The following SLC45A4 variants were observed in gnomAD, a reference collection of about 807,000 sequenced individuals.
The protein encoded by SLC45A4 is solute carrier family 45 member 4, also known as polyamine-transporter SLC45A4.
In SLC45A4, 32 loss-of-function variants were observed where a neutral mutation model predicts 63.7. The ratio of observed to expected loss-of-function variants is 0.50; its 90% CI spans 0.38 to 0.67. The LOEUF (loss-of-function observed/expected upper bound fraction) is 0.67. Among genes scored for constraint, SLC45A4 ranks in the 30% least tolerant of loss-of-function variants. SLC45A4 has a pLI of 0.00. For synonymous variants in SLC45A4, 535 were observed against 510.0 expected (o/e 1.05, Z -0.66); for missense variants, 1,027 against 1,157.7 (o/e 0.89, Z 1.64).
intron 1 of SLC45A4, among the ~76,000 whole-genome samples, chr8:141,299,539 C>T (rs915232091): frequency 1.3e-5 from 2 of 152,216 alleles, no homozygotes; most frequent in Admixed American, 6.5e-5. Flanking sequence ...GCAGAGCGGC[C>T]GTGGCCGCAG....
chr8:141,265,361 GC>G (rs1829224095), intron 1 of SLC45A4, among the ~76,000 whole-genome samples: 1 of 152,190 alleles, frequency 6.6e-6, no homozygotes, highest in Non-Finnish European at 1.5e-5. Context: ...TGAAAGGAAA[GC>G]AGCTCTGAGA....
intron 1 of SLC45A4, among the ~76,000 whole-genome samples, chr8:141,281,724 A>C (rs1829955105): frequency 6.6e-6 from 1 of 152,256 alleles, no homozygotes; most frequent in Non-Finnish European, 1.5e-5. Context: ...AACATGGTCT[A>C]ATTTTTGTTT....
chr8:141,274,351 T>C (rs1333576699), intron 1 of SLC45A4, among the ~76,000 whole-genome samples: 3 of 151,216 alleles, frequency 2.0e-5, no homozygotes, highest in Non-Finnish European at 2.9e-5. Flanking sequence ...CTGGCCAACA[T>C]GGTAAAACCC....
At chr8:141,235,519 A>G (rs767900486) in intron 2 of SLC45A4, among the ~76,000 whole-genome samples, 3 of 152,226 alleles carry the variant, frequency 2.0e-5, no homozygotes, top group Admixed American at 6.5e-5. Context: ...CGTAAAGCTT[A>G]TAAGAACTGG....
Position 141,212,457 on chromosome 8 carries a change from C to T in SLC45A4, c.2041G>A (p.Ala681Thr), listed in dbSNP as rs1825897610. ...ACGGCGTCGACCACGCCCCCAAGGGCAGAGGCCACCAGGATCTGCGAGATG... is the reference window on the plus strand; with the variant it reads ...ACGGCGTCGACCACGCCCCCAAGGGTAGAGGCCACCAGGATCTGCGAGATG... ...VYISQILVAS[A>T]LGGVVDAVGT... The change falls in exon 8 of 9, where the codon GCC becomes ACC. Residue 681 changes from alanine to threonine, a missense_variant. By Grantham distance (58) the Ala-to-Thr change is moderately conservative (BLOSUM62 0). Transcript: ENST00000517878. 6.2e-7 allele frequency: 1 copy of T among 1,613,868 alleles called. No individual in the cohort carries two copies. The highest frequency in any genetic ancestry group is 8.5e-7 in the Non-Finnish European group (1 of 1,180,026).
At chr8:141,236,830 G>A (rs1341336725) in intron 2 of SLC45A4, among the ~76,000 whole-genome samples, 1 of 152,186 alleles carries the variant, frequency 6.6e-6, no homozygotes, top group Non-Finnish European at 1.5e-5. Context: ...CTTCCTCAGA[G>A]AGCCACTGGG....
chr8:141,283,472 T>C (rs865920473), intron 1 of SLC45A4, among the ~76,000 whole-genome samples: 1 of 152,198 alleles, frequency 6.6e-6, no homozygotes, highest in Non-Finnish European at 1.5e-5. Context: ...GGAGAACCAA[T>C]GAAGGCTTCT....
intron 2 of SLC45A4, among the ~76,000 whole-genome samples, chr8:141,251,580 T>A (rs760011072): frequency 1.4e-4 from 21 of 150,892 alleles, no homozygotes; most frequent in Non-Finnish European, 2.8e-4. Flanking sequence ...AGAACAAGAG[T>A]GCGAGCTGCG....
At chr8:141,296,543 A>ATT (rs1830559118) in intron 1 of SLC45A4, among the ~76,000 whole-genome samples, 1 of 149,442 alleles carries the variant, frequency 6.7e-6, no homozygotes, top group Non-Finnish European at 1.5e-5. Context: ...TAAAATTAAA[A>ATT]AAAAAAAGAA....
intron 1 of SLC45A4, among the ~76,000 whole-genome samples, chr8:141,287,877 G>A (rs1830209450): frequency 6.6e-6 from 1 of 152,178 alleles, no homozygotes; most frequent in African/African-American, 2.4e-5. Flanking sequence ...CGGGCCAGGG[G>A]CACCTGGAGG....
chr8:141,242,998 CAG>C (rs1327232476), intron 2 of SLC45A4, among the ~76,000 whole-genome samples: 5 of 152,246 alleles, frequency 3.3e-5, no homozygotes, highest in African/African-American at 1.2e-4. Flanking sequence ...CGGGTGGTGA[CAG>C]AGAGCTCCAC....
chr8:141,285,602 C>T (rs763275422), intron 1 of SLC45A4, among the ~76,000 whole-genome samples: 11 of 152,214 alleles, frequency 7.2e-5, no homozygotes, highest in Non-Finnish European at 1.2e-4. Flanking sequence ...TGCACATCCA[C>T]GGCCACGTCC....
rs2154613972 is a variant in SLC45A4, at chr8:141,215,441, G to A, written c.1941+318C>T. Among the ~76,000 whole-genome samples the A allele has an allele frequency of 6.6e-6, 1 of 152,288 alleles. No homozygotes were observed. The highest frequency in any genetic ancestry group is 1.9e-4 in the East Asian group (1 of 5,174). On this transcript the variant is annotated intron_variant, in intron 7 of 8. Transcript: ENST00000517878. This position sits in a 1 kb window ranked among gnomAD's most constrained non-coding sequence, Gnocchi z 4.3. ...CTCCCATCCAAGTGGAAAACACGGG[G>A]CTGGAGCTTCCCCCTCAGGGAAATG... is the stretch of plus-strand genomic sequence containing the variant.
At chr8:141,291,979 A>C (rs557266214) in intron 1 of SLC45A4, among the ~76,000 whole-genome samples, 2 of 152,356 alleles carry the variant, frequency 1.3e-5, no homozygotes, top group South Asian at 4.1e-4. Flanking sequence ...ACTACCGCTC[A>C]ACCCTCAGAT....
intron 1 of SLC45A4, among the ~76,000 whole-genome samples, chr8:141,302,886 C>T (rs1830792262): frequency 6.6e-6 from 1 of 152,104 alleles, no homozygotes; most frequent in Non-Finnish European, 1.5e-5. Flanking sequence ...AACCAAAAAC[C>T]ATGCTCTTGA....
chr8:141,236,333 GTT>G (rs1450734341), intron 2 of SLC45A4, among the ~76,000 whole-genome samples: 1 of 152,136 alleles, frequency 6.6e-6, no homozygotes, highest in Non-Finnish European at 1.5e-5. Flanking sequence ...CAAACTCTCA[GTT>G]TCCCCAAAGT....
In SLC45A4 at chr8:141,212,142, G is replaced by A. The variant is rs747966399; in HGVS notation, c.2301+55C>T. 4.9e-5 allele frequency: 24 copies of A among 493,082 alleles called. No individual in the cohort carries two copies. The African/African-American group carries it at 5.9e-4, about 12-fold the overall frequency. The allele number at this position is 493,082 out of a possible 1,614,324, so 30.5% of individuals were successfully genotyped here. A position where few individuals can be genotyped will look rare whatever the true frequency, so the allele number is the denominator to read the frequency against. On this transcript the variant is annotated intron_variant, in intron 8 of 8. Transcript: ENST00000517878. ...CGCCCATGGCCTGGCCCCGCCGCCC[G>A]CCCGCCCGCCCACCCGCCCACTGGA... is the stretch of plus-strand genomic sequence containing the variant.
intron 2 of SLC45A4, among the ~76,000 whole-genome samples, chr8:141,228,768 C>T (rs575759184): frequency 6.6e-6 from 1 of 152,306 alleles, no homozygotes; most frequent in South Asian, 2.1e-4. Context: ...AGGGGTCAAT[C>T]AGTTCCAGAA....
intron 1 of SLC45A4, among the ~76,000 whole-genome samples, chr8:141,268,537 G>A (rs544042795): frequency 2.0e-5 from 3 of 152,306 alleles, no homozygotes; most frequent in South Asian, 4.1e-4. Flanking sequence ...GGGAGGCTGG[G>A]AGTGGGGGCA....
Sources: gnomAD v4.1 joint callset for allele counts (sites outside exome capture counted in the v4.1 genomes callset) on GRCh38, gnomAD v4.1.1 for gene constraint, Gnocchi (gnomAD v3.1) non-coding constraint, MANE v1.5 for transcripts, NCBI Gene and HGNC (gene_info 2026-07-23, HGNC 2026-07-21) for gene names.